The following WDR17 variants were observed in gnomAD, a reference collection of about 807,000 sequenced individuals.
The protein encoded by WDR17 is WD repeat-containing protein 17.
Under a neutral mutation model 161.7 loss-of-function variants are expected in WDR17, and 143 were observed. The observed-to-expected ratio is 0.88, with a 90% CI of 0.77 to 1.02. The LOEUF (loss-of-function observed/expected upper bound fraction) is 1.02. Ranked by LOEUF, WDR17 falls within the 50% of genes least tolerant of loss-of-function variation. WDR17 has a pLI of 0.00. For missense variants in WDR17, 1,469 were observed against 1,520.9 expected (o/e 0.97, Z 0.57); for synonymous variants, 517 against 515.6 (o/e 1.00, Z -0.04).
At chr4:176,137,963 C>A (rs1002345764) in intron 9 of WDR17, among the ~76,000 whole-genome samples, 1 of 151,528 alleles carries the variant, frequency 6.6e-6, no homozygotes, top group Non-Finnish European at 1.5e-5. Flanking sequence ...CACTTTATTG[C>A]CCTAAACCTG....
intron 1 of WDR17, among the ~76,000 whole-genome samples, chr4:176,094,620 A>G (rs1736574529): frequency 1.3e-5 from 2 of 152,216 alleles, no homozygotes; most frequent in Admixed American, 6.5e-5. Context: ...AGCAGAGAAC[A>G]GTAAGTAAAC....
chr4:176,147,444 A>C (rs1019536748), intron 12 of WDR17, among the ~76,000 whole-genome samples: 1 of 152,192 alleles, frequency 6.6e-6, no homozygotes, highest in African/African-American at 2.4e-5. Flanking sequence ...TAAATTTTTT[A>C]ACTTGATCTA....
rs756038429 is a variant in WDR17, at chr4:176,174,694, T to C, written c.3425T>C (p.Val1142Ala). 6.2e-7 allele frequency: 1 copy of C among 1,610,654 alleles called. No homozygotes were observed. The highest frequency in any genetic ancestry group is 2.2e-5 in the East Asian group (1 of 44,696). ...ATCAGAAGACAGTACCAAAGCATTGTTCCAGCACTTTATGAGTACACAAGG... is the reference window on the plus strand; with the variant it reads ...ATCAGAAGACAGTACCAAAGCATTGCTCCAGCACTTTATGAGTACACAAGG... Reference protein sequence around the residue: ...LAIRRQYQSIVPALYEYTSQL... With the variant: ...LAIRRQYQSIAPALYEYTSQL... The change falls in exon 26 of 29, where the codon GTT (valine) becomes GCT (alanine). Residue 1142 changes from valine (V) to alanine (A), a missense_variant. Physicochemically the swap from Val to Ala is moderately conservative, Grantham distance 64. Transcript: ENST00000508596.
intron 1 of WDR17, among the ~76,000 whole-genome samples, chr4:176,094,860 G>GT (rs1213527682): frequency 1.3e-5 from 2 of 152,154 alleles, no homozygotes; most frequent in Non-Finnish European, 2.9e-5. Context: ...AATGGAGAAT[G>GT]TAAGAGAAAG....
At chr4:176,091,515 A>G (rs533534621) in intron 1 of WDR17, among the ~76,000 whole-genome samples, 1 of 152,316 alleles carries the variant, frequency 6.6e-6, no homozygotes, top group Admixed American at 6.5e-5. Context: ...AAACATTTAC[A>G]GCAATAAATG....
intron 1 of WDR17, among the ~76,000 whole-genome samples, chr4:176,108,814 G>C (rs1167580577): frequency 6.6e-6 from 1 of 152,052 alleles, no homozygotes; most frequent in Non-Finnish European, 1.5e-5. Flanking sequence ...TTATTTATTT[G>C]AGACTTGCTG....
chr4:176,159,281 A>G (rs58196963), intron 18 of WDR17, among the ~76,000 whole-genome samples: 15,430 of 150,178 alleles, frequency 0.1, 1,734 homozygotes, highest in African/African-American at 0.27. Context: ...ACATGCACAC[A>G]CACACACACA....
intron 1 of WDR17, among the ~76,000 whole-genome samples, chr4:176,086,594 C>T (rs1735451999): frequency 6.6e-6 from 1 of 151,704 alleles, no homozygotes; most frequent in Non-Finnish European, 1.5e-5. Flanking sequence ...TCTATTTTAT[C>T]TTTGATTTAC....
At chr4:176,138,169 A>T (rs1268751953) in intron 9 of WDR17, among the ~76,000 whole-genome samples, 2 of 151,658 alleles carry the variant, frequency 1.3e-5, no homozygotes, top group Non-Finnish European at 3.0e-5. Context: ...TATTTGAAAA[A>T]TACATATGAT....
intron 13 of WDR17, among the ~76,000 whole-genome samples, chr4:176,148,552 C>CT (rs1229751383): frequency 6.6e-6 from 1 of 152,180 alleles, no homozygotes; most frequent in Non-Finnish European, 1.5e-5. Context: ...ATTGTTAGCA[C>CT]TGTGTTGTCT....
intron 24 of WDR17, 115 bp downstream of exon 24, chr4:176,172,631 TG>T (rs1374807105): frequency 5.3e-6 from 5 of 942,312 alleles, no homozygotes; most frequent in Non-Finnish European, 6.2e-6. Flanking sequence ...TACCTGAGGC[TG>T]GGTAATTTAT....
At chr4:176,153,129 T>C (rs1472711737) in intron 17 of WDR17, among the ~76,000 whole-genome samples, 2 of 152,162 alleles carry the variant, frequency 1.3e-5, no homozygotes, top group Non-Finnish European at 2.9e-5. Context: ...AGCCATCTTG[T>C]GTTTTCATAA....
At chr4:176,145,378 G>A (rs1746001279) in intron 11 of WDR17, among the ~76,000 whole-genome samples, 1 of 152,074 alleles carries the variant, frequency 6.6e-6, no homozygotes, top group African/African-American at 2.4e-5. Context: ...CTATTTCCAG[G>A]GGCTTCATAG....
intron 13 of WDR17, among the ~76,000 whole-genome samples, chr4:176,149,092 T>G (rs1746669642): frequency 6.6e-6 from 1 of 152,164 alleles, no homozygotes; most frequent in South Asian, 2.1e-4. Flanking sequence ...ACTCTTCATC[T>G]TTTAACTAGA....
intron 2 of WDR17, among the ~76,000 whole-genome samples, chr4:176,112,583 AT>A (rs1238027102): frequency 6.6e-6 from 1 of 152,034 alleles, no homozygotes; most frequent in African/African-American, 2.4e-5. Context: ...GCTTACACTA[AT>A]TTTTCAGTTT....
At chr4:176,114,996 C>T (rs1250095307) in intron 2 of WDR17, among the ~76,000 whole-genome samples, 1 of 151,800 alleles carries the variant, frequency 6.6e-6, no homozygotes, top group African/African-American at 2.4e-5. Context: ...AGCAGAGATT[C>T]AATCGTGTAG....
Position 176,115,899 on chromosome 4 carries a change from C to A in WDR17, c.227C>A (p.Ala76Glu). The A allele has an allele frequency of 2.5e-6, 4 of 1,611,102 alleles. No individual in the cohort carries two copies. The highest frequency in any genetic ancestry group is 3.4e-6 in the Non-Finnish European group (4 of 1,178,282). ...TGTCCACATAATCCTGATCTGTTTG[C>A]AAGTGGCAGTACTGATAATTTAGTG... ...SWCPHNPDLF[A>E]SGSTDNLVII... The change falls in exon 3 of 29, where the codon GCA (alanine) becomes GAA (glutamate). Residue 76 changes from alanine (A) to glutamate (E), a missense_variant. Coordinates refer to ENST00000508596, the MANE Select transcript of WDR17 (RefSeq NM_181265.4).
chr4:176,098,789 A>G (rs1291973351), intron 1 of WDR17, among the ~76,000 whole-genome samples: 1 of 151,964 alleles, frequency 6.6e-6, no homozygotes, highest in African/African-American at 2.4e-5. Flanking sequence ...TCTTTTATTT[A>G]GAATCATAGA....
chr4:176,140,162 G>T (rs147481459), intron 10 of WDR17, among the ~76,000 whole-genome samples, 188 bp downstream of exon 10: 1 of 151,798 alleles, frequency 6.6e-6, no homozygotes, highest in Non-Finnish European at 1.5e-5. Flanking sequence ...ACAATGCAAG[G>T]GTATTTAAAA....
Sources: allele counts gnomAD v4.1 joint callset (sites outside exome capture counted in the v4.1 genomes callset), GRCh38; gene constraint gnomAD v4.1.1; transcripts MANE v1.5; gene names NCBI Gene and HGNC (gene_info 2026-07-23, HGNC 2026-07-21).